TTC23L: variants seen among roughly 807,000 people sequenced by gnomAD.
TTC23L encodes the protein tetratricopeptide repeat domain 23 like, also known as tetratricopeptide repeat protein 23-like.
A neutral mutation model predicts 48.1 loss-of-function variants in TTC23L; 42 were observed. The observed-to-expected ratio is 0.87, with a 90% CI of 0.68 to 1.13. TTC23L has a LOEUF of 1.13. Among genes scored for constraint, TTC23L ranks in the 50% most tolerant of loss-of-function variants. The pLI, the probability that TTC23L is intolerant of heterozygous loss-of-function variation, is 0.00. For synonymous variants in TTC23L, 159 were observed against 157.2 expected (o/e 1.01, Z -0.09); for missense variants, 391 against 421.0 (o/e 0.93, Z 0.62).
the TTC23L span, chr5:34,905,610 A>C: frequency 6.6e-6 from 1 of 152,320 alleles, no homozygotes; most frequent in South Asian, 2.1e-4. Context: ...AAGATTATCC[A>C]TTCACAGTAA....
chr5:34,898,162 G>A (rs368083730), intron 10 of TTC23L, among the ~76,000 whole-genome samples: 6 of 152,196 alleles, frequency 3.9e-5, no homozygotes, highest in African/African-American at 1.2e-4. Context: ...CATGTACTAA[G>A]TAACAGCTAT....
chr5:34,915,499 G>A, the TTC23L span: 2 of 447,986 alleles, frequency 4.5e-6, no homozygotes, highest in Non-Finnish European at 7.8e-6. Flanking sequence ...GAACCGCGGA[G>A]GAAGTGAAGC....
At chr5:34,919,417 G>C in the TTC23L span, among the ~76,000 whole-genome samples, 1 of 151,382 alleles carries the variant, frequency 6.6e-6, no homozygotes, top group South Asian at 2.1e-4. Flanking sequence ...ACTTATTTTA[G>C]ATTCAAGGAG....
the TTC23L span, chr5:34,915,308 G>C: frequency 3.7e-6 from 1 of 273,424 alleles, no homozygotes; most frequent in Non-Finnish European, 7.0e-6. Context: ...GGGCGGGCCC[G>C]GAGTGTCCAG....
chr5:34,854,038 T>C (rs1294993729), intron 4 of TTC23L, among the ~76,000 whole-genome samples: 2 of 152,242 alleles, frequency 1.3e-5, no homozygotes, highest in Non-Finnish European at 2.9e-5. Context: ...ATCCCTTCCA[T>C]AATGAGCCAC....
At chr5:34,893,891 A>G (rs1266545140) in intron 9 of TTC23L, among the ~76,000 whole-genome samples, 1 of 152,182 alleles carries the variant, frequency 6.6e-6, no homozygotes, top group African/African-American at 2.4e-5. Flanking sequence ...AGAGGAAGAA[A>G]TGCATATGAC....
chr5:34,914,010 G>T, the TTC23L span: 3 of 456,536 alleles, frequency 6.6e-6, no homozygotes, highest in Non-Finnish European at 1.3e-5. Context: ...ACAGGTGTGA[G>T]CCACCATACC....
At chr5:34,892,600 G>A (rs1180002234) in intron 9 of TTC23L, among the ~76,000 whole-genome samples, 1 of 152,172 alleles carries the variant, frequency 6.6e-6, no homozygotes, top group Admixed American at 6.5e-5. Context: ...AAATGTAAAG[G>A]AAAAGGGCAA....
At chr5:34,903,255 T>C (rs981250294), downstream of TTC23L, among the ~76,000 whole-genome samples, 13 of 152,202 alleles carry the variant, frequency 8.5e-5, no homozygotes, top group African/African-American at 2.4e-4. Flanking sequence ...ATCATATAAT[T>C]TTAACATCCT....
chr5:34,892,176 T>C (rs1762910232), intron 9 of TTC23L, among the ~76,000 whole-genome samples: 1 of 152,232 alleles, frequency 6.6e-6, no homozygotes, highest in Non-Finnish European at 1.5e-5. Flanking sequence ...GTCCTGGAAC[T>C]CTGCTAGTTT....
the TTC23L span, chr5:34,924,782 T>C: frequency 3.7e-6 from 4 of 1,084,184 alleles, no homozygotes; most frequent in Non-Finnish European, 4.2e-6. Context: ...AATGAGGTTA[T>C]AGCCAGTATA....
chr5:34,900,670 T>C (rs79733822), downstream of TTC23L, among the ~76,000 whole-genome samples: 1,635 of 152,372 alleles, frequency 0.011, 10 homozygotes, highest in African/African-American at 0.014. Flanking sequence ...CTTTTTCTTG[T>C]AATGTCATGA....
In TTC23L at chr5:34,869,213, A is replaced by G. The variant is rs570379347; in HGVS notation, c.949+200A>G. 193 of 496,546 alleles carry G rather than the reference A, an allele frequency of 3.9e-4. 1 individual carries two copies. The highest frequency in any genetic ancestry group is 2.0e-3 in the Middle Eastern group (4 of 1,988). The allele number at this position is 496,546 out of a possible 1,614,324, so 30.8% of individuals were successfully genotyped here. A position where few individuals can be genotyped will look rare whatever the true frequency, so the allele number is the denominator to read the frequency against. ...CACATTCGTTGGAATGTCAGTAACA[A>G]ATAAATCATCTGATTTCTACATCCT... On this transcript the variant is annotated intron_variant, in intron 8 of 10. Transcript: ENST00000505624.
chr5:34,897,813 T>C (rs998231194), intron 10 of TTC23L, among the ~76,000 whole-genome samples: 1 of 152,244 alleles, frequency 6.6e-6, no homozygotes, highest in African/African-American at 2.4e-5. Flanking sequence ...TGAATACTTT[T>C]GCAGTTTGGT....
the TTC23L span, chr5:34,914,721 ACT>A: frequency 6.2e-7 from 1 of 1,612,612 alleles, no homozygotes; most frequent in Non-Finnish European, 8.5e-7. Context: ...GCTTGCACAC[ACT>A]TTGCATTTTC....
chr5:34,908,845 T>C, the TTC23L span: 10 of 1,612,474 alleles, frequency 6.2e-6, no homozygotes, highest in East Asian at 2.0e-4. Flanking sequence ...TCATTTCTAA[T>C]CATATACTGT....
At chr5:34,868,653 G>A in intron 7 of TTC23L, 1 of 337,854 alleles carries the variant, frequency 3.0e-6, no homozygotes, top group Non-Finnish European at 5.6e-6. Context: ...AATTATACTA[G>A]CCAACATTTA....
intron 8 of TTC23L, among the ~76,000 whole-genome samples, chr5:34,879,751 A>G (rs968664615): frequency 1.3e-5 from 2 of 152,192 alleles, no homozygotes; most frequent in Non-Finnish European, 2.9e-5. Context: ...TGATCCCAGC[A>G]CTTTGGGAGG....
intron 9 of TTC23L, among the ~76,000 whole-genome samples, chr5:34,887,826 T>C (rs558808321): frequency 3.9e-5 from 6 of 152,342 alleles, no homozygotes; most frequent in African/African-American, 1.2e-4. Flanking sequence ...AGTGATATCA[T>C]TGAAGACAAA....
Sources: gnomAD v4.1 joint callset for allele counts (sites outside exome capture counted in the v4.1 genomes callset) on GRCh38, gnomAD v4.1.1 for gene constraint, MANE v1.5 for transcripts, NCBI Gene and HGNC (gene_info 2026-07-23, HGNC 2026-07-21) for gene names.